The following CDHR2 variants were observed in gnomAD, a reference collection of about 807,000 sequenced individuals.
The protein encoded by CDHR2 is cadherin-related family member 2.
In CDHR2, 104 loss-of-function variants were observed where a neutral mutation model predicts 138.6. That is an observed-to-expected ratio of 0.75 (90% CI 0.64 to 0.88). The LOEUF is 0.88. Among genes scored for constraint, CDHR2 ranks in the 40% least tolerant of loss-of-function variants. CDHR2 has a pLI of 0.00. For synonymous variants in CDHR2, 755 were observed against 742.8 expected (o/e 1.02, Z -0.27); for missense variants, 1,624 against 1,727.6 (o/e 0.94, Z 1.06).
At chr5:176,557,932 TCCAGACCGCGTGATCCAC>T (rs1757877326) in intron 1 of CDHR2, among the ~76,000 whole-genome samples, 1 of 151,320 alleles carries the variant, frequency 6.6e-6, no homozygotes, top group Non-Finnish European at 1.5e-5. Context: ...GGTCTCAAAC[TCCAGACCGCGTGATCCAC>T]CCGCCTTGGC....
At position 176,581,444 on chromosome 5, in the gene CDHR2, G is replaced by A. The variant is rs1329417491; in HGVS notation, c.1920G>A (p.Gly640=). 2 of 1,614,064 alleles carry A rather than the reference G, an allele frequency of 1.2e-6. No individual in the cohort carries two copies. The highest frequency in any genetic ancestry group is 1.7e-6 in the Non-Finnish European group (2 of 1,180,056). Reference sequence around the variant, plus strand: ...ACTTCTCCTTGGACCCTGACACAGGGCTCCTCAGAAACCTGGGGCCCCTGG... The same window carrying A: ...ACTTCTCCTTGGACCCTGACACAGGACTCCTCAGAAACCTGGGGCCCCTGG... ...SHNFSLDPDT[G]LLRNLGPLDR... Residue 640 remains glycine, a synonymous_variant, in exon 17 of 32, where the codon GGG becomes GGA. Transcript: ENST00000261944.
At chr5:176,581,732 C>A (rs1438653760) in intron 17 of CDHR2, 150 bp downstream of exon 17, 12 of 984,244 alleles carry the variant, frequency 1.2e-5, no homozygotes, top group Non-Finnish European at 1.8e-5. Context: ...TACTCAACCT[C>A]CCTAGGCACT....
rs1758063221 is a variant in CDHR2, at chr5:176,565,721, C to G, written c.102C>G (p.Ile34Met). Reference protein sequence around the residue: ...PKFLANMTSVILPEDLPVGAQ... With the variant: ...PKFLANMTSVMLPEDLPVGAQ... ...TCCTAGCCAACATGACGTCAGTGAT[C>G]CTGCCTGAGGACCTGCCTGTGGGTG... is the stretch of plus-strand genomic sequence containing the variant. Residue 34 changes from isoleucine (I) to methionine (M), a missense_variant, in exon 3 of 32, where the codon ATC (isoleucine) becomes ATG (methionine). Physicochemically the swap from Ile to Met is conservative, Grantham distance 10 (BLOSUM62 1). Coordinates refer to ENST00000261944, the MANE Select transcript of CDHR2 (RefSeq NM_017675.6). The G allele has an allele frequency of 6.2e-7, 1 of 1,613,910 alleles. No individual in the cohort carries two copies. Among genetic ancestry groups the G allele is most frequent in the Non-Finnish European group, 8.5e-7 (1 of 1,179,896 alleles).
chr5:176,569,433 G>A (rs907304209), intron 5 of CDHR2, among the ~76,000 whole-genome samples: 2 of 151,834 alleles, frequency 1.3e-5, no homozygotes, highest in African/African-American at 2.4e-5. Flanking sequence ...ACAGGCGCCA[G>A]CCACCACGCC....
chr5:176,547,998 A>G (rs920635347), upstream of CDHR2, among the ~76,000 whole-genome samples: 2 of 152,064 alleles, frequency 1.3e-5, no homozygotes, highest in African/African-American at 4.8e-5. Context: ...TCACACAGTG[A>G]CTTACACAAA....
rs999842523 is a variant in CDHR2 at position 176,581,411 on chromosome 5, C to T, written c.1887C>T (p.Tyr629=). The T allele has an allele frequency of 5.6e-6, 9 of 1,614,060 alleles. No individual in the cohort carries two copies. In the African/African-American group the frequency reaches 8.0e-5, roughly 14 times the overall value. Residue 629 remains tyrosine (Y), a synonymous_variant, in exon 17 of 32, where the codon TAC becomes TAT. Coordinates refer to ENST00000261944, the MANE Select transcript of CDHR2 (RefSeq NM_017675.6). ...RLLFNLLPGP[Y]SHNFSLDPDT... Reference sequence around the variant, plus strand: ...TCTTCAACCTGCTGCCTGGCCCCTACAGCCACAACTTCTCCTTGGACCCTG... The same window carrying T: ...TCTTCAACCTGCTGCCTGGCCCCTATAGCCACAACTTCTCCTTGGACCCTG...
intron 29 of CDHR2, 35 bp from the exon 30 acceptor site, chr5:176,591,369 G>A: frequency 1.2e-6 from 2 of 1,611,104 alleles, no homozygotes; most frequent in South Asian, 1.1e-5. Context: ...TGGGGTGGCT[G>A]AGGGCCAGGC....
intron 21 of CDHR2, among the ~76,000 whole-genome samples, chr5:176,588,596 A>AGT (rs139551836): frequency 0.29 from 41,519 of 142,304 alleles, 5,899 homozygotes; most frequent in Middle Eastern, 0.37. Context: ...GGTGTGTATG[A>AGT]GTGTGTGTGC....
chr5:176,560,594 G>A (rs928237478), intron 1 of CDHR2, among the ~76,000 whole-genome samples: 1 of 152,136 alleles, frequency 6.6e-6, no homozygotes, highest in Non-Finnish European at 1.5e-5. Flanking sequence ...CCACAGCAGG[G>A]ATGCAGTGCA....
Position 176,558,576 on chromosome 5 carries a change from G to C in CDHR2, c.-15-6762G>C, listed in dbSNP as rs373005461. Among the ~76,000 whole-genome samples the C allele has an allele frequency of 3.3e-5, 5 of 152,206 alleles. No individual in the cohort carries two copies. The East Asian group carries it at 9.7e-4, about 29-fold the overall frequency. Reference sequence around the variant, plus strand: ...TTTTTTCTGTTTTTAGTAGAGACGGGGTTTCTCCATGTTGGTCAGGCTGGT... The same window carrying C: ...TTTTTTCTGTTTTTAGTAGAGACGGCGTTTCTCCATGTTGGTCAGGCTGGT... On this transcript the variant is annotated intron_variant, in intron 1 of 31. Transcript: ENST00000261944.
At chr5:176,571,424 C>T (rs1459864026) in intron 6 of CDHR2, 122 bp downstream of exon 6, 13 of 589,526 alleles carry the variant, frequency 2.2e-5, no homozygotes, top group Non-Finnish European at 3.4e-5. Context: ...CTAGCAGGGG[C>T]AGCTTCAAGA....
chr5:176,584,484 T>G lies in CDHR2; in HGVS notation c.2203T>G (p.Ser735Ala). 1 of 1,612,784 alleles carries G rather than the reference T, an allele frequency of 6.2e-7. No individual in the cohort carries two copies. Among genetic ancestry groups the G allele is most frequent in the South Asian group, 1.1e-5 (1 of 90,844 alleles). ...CAACAACCGCATCAGCTTCAGCCTG[T>G]CGGGGAGTGGTGCCAACTACTTCAT... ...EANNRISFSL[S>A]GSGANYFMIR... Residue 735 changes from serine to alanine, a missense_variant, in exon 19 of 32, where the codon TCG becomes GCG. This residue lies in a region of CDHR2 where 1,061 missense variants were observed against 1,136.6 expected (regional missense o/e 0.93). Coordinates refer to ENST00000261944, the MANE Select transcript of CDHR2 (RefSeq NM_017675.6).
At chr5:176,567,712 C>T (rs1483275032) in intron 3 of CDHR2, among the ~76,000 whole-genome samples, 1 of 152,132 alleles carries the variant, frequency 6.6e-6, no homozygotes. Context: ...AAGCTGGTTT[C>T]GAGCTCCTGA....
At chr5:176,546,558 C>G (rs941824417), upstream of CDHR2, among the ~76,000 whole-genome samples, 1 of 151,942 alleles carries the variant, frequency 6.6e-6, no homozygotes, top group Non-Finnish European at 1.5e-5. Flanking sequence ...GGTTATGCAA[C>G]TTGCCCTGCC....
At chr5:176,557,706 C>A (rs13162955) in intron 1 of CDHR2, among the ~76,000 whole-genome samples, 1 of 95,036 alleles carries the variant, frequency 1.1e-5, no homozygotes, top group Non-Finnish European at 2.7e-5. Flanking sequence ...TTCTTTCTTT[C>A]TTTCTTTTTT....
chr5:176,577,427 T>TG lies in CDHR2; in HGVS notation c.1229dup (p.Asp412ArgfsTer60), dbSNP rs1710559452. ...AGCAATGGCACCTTCCTGTTGTCGC[T>TG]GGGGGGCCCCGATGCAGAAGCCTTC... On this transcript the variant is annotated frameshift_variant, in exon 13 of 32. Transcript: ENST00000261944. LOFTEE classifies it high-confidence loss of function. 3 of 1,609,734 alleles carry TG rather than the reference T, an allele frequency of 1.9e-6. No homozygotes were observed. Among genetic ancestry groups the TG allele is most frequent in the Non-Finnish European group, 1.7e-6 (2 of 1,178,684 alleles).
chr5:176,563,721 C>T (rs1484019506), intron 1 of CDHR2, among the ~76,000 whole-genome samples: 2 of 152,184 alleles, frequency 1.3e-5, no homozygotes, highest in Non-Finnish European at 2.9e-5. Flanking sequence ...TCCCATCCCG[C>T]CATGGCTGGA....
In CDHR2 at chr5:176,557,693, T is replaced by C. The variant is rs1757867561; in HGVS notation, c.-15-7645T>C. On this transcript the variant is annotated intron_variant, in intron 1 of 31. Coordinates refer to ENST00000261944, the MANE Select transcript of CDHR2 (RefSeq NM_017675.6). ...CATTATCTGTTGATTTTTTTTTCTTTCTTTCTTTCTTTCTTTCTTTTTTTT... is the reference window on the plus strand; with the variant it reads ...CATTATCTGTTGATTTTTTTTTCTTCCTTTCTTTCTTTCTTTCTTTTTTTT... Among the ~76,000 whole-genome samples the C allele has an allele frequency of 8.6e-3, 291 of 34,022 alleles. 2 individuals are homozygous for C. The highest frequency in any genetic ancestry group is 0.012 in the African/African-American group (269 of 21,542). 22.3% of individuals were successfully genotyped at this position (34,022 alleles called of 152,430 possible). A position where few individuals can be genotyped will look rare whatever the true frequency, so the allele number is the denominator to read the frequency against.
At chr5:176,548,832 C>T (rs183438508), upstream of CDHR2, among the ~76,000 whole-genome samples, 268 of 152,168 alleles carry the variant, frequency 1.8e-3, 2 homozygotes, top group African/African-American at 6.2e-3. Context: ...GGTCTCAATG[C>T]GGGGTGAGAT....
Sources: gnomAD v4.1 joint callset for allele counts (sites outside exome capture counted in the v4.1 genomes callset) on GRCh38, gnomAD v4.1.1 for gene constraint, gnomAD v4.1.1 regional missense constraint, MANE v1.5 for transcripts, NCBI Gene and HGNC (gene_info 2026-07-23, HGNC 2026-07-21) for gene names.